DYRK4: variants seen among roughly 807,000 people sequenced by gnomAD.
The protein encoded by DYRK4 is dual specificity tyrosine phosphorylation regulated kinase 4.
A neutral mutation model predicts 68.3 loss-of-function variants in DYRK4; 64 were observed. The observed-to-expected ratio is 0.94, with a 90% CI of 0.77 to 1.15. The LOEUF (loss-of-function observed/expected upper bound fraction) is 1.15. Among genes scored for constraint, DYRK4 ranks in the 50% most tolerant of loss-of-function variants. The pLI is 0.00. For synonymous variants in DYRK4, 274 were observed against 289.9 expected (o/e 0.95, Z 0.56); for missense variants, 740 against 764.7 (o/e 0.97, Z 0.38).
rs150008350 is a variant in DYRK4 at position 4,592,631 on chromosome 12, C to T, written c.464-371C>T. The stretch of plus-strand genomic sequence containing the variant: ...TTACAGTTCTCAAAGCCTCTCAAGA[C>T]GGACTAATTATAGCTTAATTCCACG... On this transcript the variant is annotated intron_variant, in intron 5 of 14. Transcript: ENST00000543431. The T allele has an allele frequency of 1.9e-4, 31 of 163,806 alleles. No individual in the cohort carries two copies. In the East Asian group the frequency reaches 5.0e-3, roughly 26 times the overall value. 10.1% of individuals were successfully genotyped at this position (163,806 alleles called of 1,614,324 possible).
chr12:4,599,011 T>G lies in DYRK4; in HGVS notation c.906-17T>G. On this transcript the variant is annotated splice_polypyrimidine_tract_variant and intron_variant, in intron 8 of 14. Coordinates refer to ENST00000543431, the MANE Select transcript of DYRK4 (RefSeq NM_001394779.1). ...TTTTTTTACACCCATATGCATCACTTTTCCCCTCTTTTCCAGAATCAACTT... is the reference window on the plus strand; with the variant it reads ...TTTTTTTACACCCATATGCATCACTGTTCCCCTCTTTTCCAGAATCAACTT... 1.2e-6 allele frequency: 2 copies of G among 1,613,934 alleles called. No homozygotes were observed. The highest frequency in any genetic ancestry group is 1.7e-6 in the Non-Finnish European group (2 of 1,179,924).
At chr12:4,604,829 T>G in intron 10 of DYRK4, 85 bp from the exon 11 acceptor site, 2 of 1,442,204 alleles carry the variant, frequency 1.4e-6, no homozygotes, top group Non-Finnish European at 1.8e-6. Context: ...GGGGGCGCAG[T>G]CTAACTGAGA....
chr12:4,591,167 A>C lies in DYRK4; in HGVS notation c.332A>C (p.Gln111Pro), dbSNP rs1317969908. ...LKSSLLYQEN[Q>P]AHNQMPASEL... ...ACCTCTTTTCCTGGACAGGAGAATC[A>C]AGCTCACAATCAGATGCCGGCCTCA... The change falls in exon 5 of 15, where the codon CAA becomes CCA. Residue 111 changes from glutamine to proline, a missense_variant. Physicochemically the swap from Gln to Pro is moderately conservative, Grantham distance 76. Around this residue, in one of 3 missense-constraint regions of DYRK4, gnomAD observed 56 missense variants for 89.9 expected, o/e 0.62. Coordinates refer to ENST00000543431, the MANE Select transcript of DYRK4 (RefSeq NM_001394779.1). The surrounding 1 kb of genome is among the most constrained non-coding windows in gnomAD (Gnocchi z 4.1). 2.5e-6 allele frequency: 4 copies of C among 1,614,034 alleles called. No individual in the cohort carries two copies. Among genetic ancestry groups the C allele is most frequent in the Non-Finnish European group, 3.4e-6 (4 of 1,179,974 alleles).
intron 2 of DYRK4, among the ~76,000 whole-genome samples, chr12:4,569,110 T>C (rs1381883551): frequency 6.6e-6 from 1 of 152,206 alleles, no homozygotes; most frequent in Non-Finnish European, 1.5e-5. Flanking sequence ...TTAACTCTAG[T>C]GTTGTCCCCC....
At chr12:4,575,340 G>A (rs1944778443) in intron 2 of DYRK4, among the ~76,000 whole-genome samples, 2 of 66,762 alleles carry the variant, frequency 3.0e-5, no homozygotes, top group Admixed American at 3.3e-4. Context: ...ACGGAGTCTC[G>A]CTCTATTGCC....
chr12:4,597,435 C>G (rs1438474180), intron 8 of DYRK4, among the ~76,000 whole-genome samples: 2 of 152,254 alleles, frequency 1.3e-5, no homozygotes, highest in Non-Finnish European at 2.9e-5. Context: ...TTCTAGGAAC[C>G]AGCTACATTT....
At chr12:4,589,038 C>A in intron 3 of DYRK4, 21 bp downstream of exon 3, 4 of 1,535,114 alleles carry the variant, frequency 2.6e-6, no homozygotes, top group Non-Finnish European at 2.6e-6. Context: ...ATGGTCAGCT[C>A]CTTTTCTCTA....
At chr12:4,579,774 C>T (rs1164017708) in intron 2 of DYRK4, among the ~76,000 whole-genome samples, 2 of 152,170 alleles carry the variant, frequency 1.3e-5, no homozygotes, top group East Asian at 1.9e-4. Flanking sequence ...TCTCTATTGT[C>T]AGCTGAATTC....
At position 4,562,253 on chromosome 12, in the gene DYRK4, T is replaced by A. The variant is rs1944633316; in HGVS notation, c.8T>A (p.Leu3His). 2 of 1,532,230 alleles carry A rather than the reference T, an allele frequency of 1.3e-6. No individual in the cohort carries two copies. The highest frequency in any genetic ancestry group is 1.7e-6 in the Non-Finnish European group (2 of 1,145,266). The allele number at this position is 1,532,230 out of a possible 1,614,324, so 94.9% of individuals were successfully genotyped here. A position where few individuals can be genotyped will look rare whatever the true frequency, so the allele number is the denominator to read the frequency against. The change falls in exon 1 of 15, where the codon CTC becomes CAC. Residue 3 changes from leucine (L) to histidine (H), a missense_variant. By Grantham distance (99) the Leu-to-His change is moderately conservative. Coordinates refer to ENST00000543431, the MANE Select transcript of DYRK4 (RefSeq NM_001394779.1). ...GCGGTCAGCGCCGGCCTCATGCAGC[T>A]CCTCCCGCCGCCTATCCGCACCGGA... MQ[L>H]LPPPIRTGTK... is the part of the protein sequence containing the mutation.
rs537747203 is a variant in DYRK4 at position 4,569,861 on chromosome 12, T to C, written c.132+1813T>C. On this transcript the variant is annotated intron_variant, in intron 2 of 14. Transcript: ENST00000543431. Reference sequence around the variant, plus strand: ...AAGTTCCTTATACATTTTGATTAATTTCAAAGAAAGCAAACTCTGTTGCAG... The same window carrying C: ...AAGTTCCTTATACATTTTGATTAATCTCAAAGAAAGCAAACTCTGTTGCAG... Among the ~76,000 whole-genome samples, 11 of 151,930 alleles carry C rather than the reference T, an allele frequency of 7.2e-5. 1 individual carries two copies. The highest frequency in any genetic ancestry group is 1.3e-4 in the Non-Finnish European group (9 of 67,998).
Position 4,591,626 on chromosome 12 carries a change from G to A in DYRK4, c.463+328G>A. On this transcript the variant is annotated intron_variant, in intron 5 of 14. Transcript: ENST00000543431. The surrounding 1 kb of genome is among the most constrained non-coding windows in gnomAD (Gnocchi z 4.1). ...TATGGACCCAGGGGCCAGCGGGAAGGCACTGAGAGAGTGGAAGAGCCAGGA... is the reference window on the plus strand; with the variant it reads ...TATGGACCCAGGGGCCAGCGGGAAGACACTGAGAGAGTGGAAGAGCCAGGA... The A allele has an allele frequency of 3.6e-6, 1 of 275,076 alleles. No individual in the cohort carries two copies. Among genetic ancestry groups the A allele is most frequent in the Non-Finnish European group, 6.9e-6 (1 of 145,826 alleles). The allele number at this position is 275,076 out of a possible 1,614,324, so 17.0% of individuals were successfully genotyped here.
Position 4,591,279 on chromosome 12 carries a change from G to A in DYRK4, c.444G>A (p.Lys148=). The change falls in exon 5 of 15, where the codon AAG becomes AAA. Residue 148 remains lysine, a synonymous_variant. Transcript: ENST00000543431. The surrounding 1 kb of genome is among the most constrained non-coding windows in gnomAD (Gnocchi z 4.1). ...KAEEKSPKKQ[K]VTLTAAEALK... ...AGGAGAAGTCACCAAAGAAGCAAAA[G>A]GTGACTCTGACAGCGGCAGGTATGC... The A allele has an allele frequency of 1.9e-6, 3 of 1,614,120 alleles. No homozygotes were observed. The highest frequency in any genetic ancestry group is 2.5e-6 in the Non-Finnish European group (3 of 1,180,008).
In DYRK4 at chr12:4,574,956, G is replaced by C. The variant is rs960629153; in HGVS notation, c.132+6908G>C. 1.1e-4 allele frequency among the ~76,000 whole-genome samples: 16 copies of C among 152,216 alleles called. 1 individual carries two copies. ...TGGTCTCTCAAACTCCTGACCTCGA[G>C]TGATCCACCAGCCTCGGCATCCCAA... On this transcript the variant is annotated intron_variant, in intron 2 of 14. Coordinates refer to ENST00000543431, the MANE Select transcript of DYRK4 (RefSeq NM_001394779.1).
chr12:4,566,805 G>C (rs1461588730), intron 1 of DYRK4, among the ~76,000 whole-genome samples: 2 of 152,194 alleles, frequency 1.3e-5, no homozygotes, highest in African/African-American at 4.8e-5. Context: ...TTGTCTGTAT[G>C]TGTGTGTATG....
chr12:4,581,062 C>A (rs1277442987), intron 2 of DYRK4: 15 of 331,994 alleles, frequency 4.5e-5, no homozygotes, highest in Non-Finnish European at 6.0e-6. Flanking sequence ...AAATAGGGAC[C>A]AGTCCTATTA....
chr12:4,606,526 G>A (rs1194288049), intron 11 of DYRK4, among the ~76,000 whole-genome samples: 1 of 152,180 alleles, frequency 6.6e-6, no homozygotes, highest in Non-Finnish European at 1.5e-5. Context: ...TAAACCTGGG[G>A]TCTTAGTCCT....
chr12:4,599,566 G>A (rs1271447290), intron 9 of DYRK4, 141 bp from the exon 10 acceptor site: 2 of 628,688 alleles, frequency 3.2e-6, no homozygotes, highest in African/African-American at 1.8e-5. Flanking sequence ...GAGGATGATG[G>A]GATTTTGGAG....
At chr12:4,580,928 G>A in intron 2 of DYRK4, 1 of 454,658 alleles carries the variant, frequency 2.2e-6, no homozygotes, top group Non-Finnish European at 4.4e-6. Flanking sequence ...AAGGCTGGGT[G>A]GCCTGAGGCC....
intron 2 of DYRK4, among the ~76,000 whole-genome samples, chr12:4,576,882 A>G (rs1184253708): frequency 6.6e-6 from 1 of 152,214 alleles, no homozygotes; most frequent in Admixed American, 6.5e-5. Context: ...GAATTTTAAG[A>G]GTACTTTGTA....
Sources: allele counts gnomAD v4.1 joint callset (sites outside exome capture counted in the v4.1 genomes callset), GRCh38; gene constraint gnomAD v4.1.1; regional missense constraint gnomAD v4.1.1; non-coding constraint Gnocchi (gnomAD v3.1); transcripts MANE v1.5; gene names NCBI Gene and HGNC (gene_info 2026-07-23, HGNC 2026-07-21).